Variants in TSHR observed in about 807,000 individuals in gnomAD.
The protein encoded by TSHR is thyroid stimulating hormone receptor, also known as thyrotropin receptor.
A neutral mutation model predicts 64.1 loss-of-function variants in TSHR; 51 were observed. The observed-to-expected ratio is 0.80, with a 90% CI of 0.64 to 1.01. The LOEUF (loss-of-function observed/expected upper bound fraction) is 1.01, where lower values mean the gene tolerates loss of function less well. TSHR is among the 50% of genes least tolerant of loss of function. The pLI is 0.00. For missense variants in TSHR, 877 were observed against 942.8 expected, an observed-to-expected ratio of 0.93 and a Z score of 0.91; for synonymous variants, 361 against 361.9, an observed-to-expected ratio of 1.00 and a Z score of 0.03.
chr14:80,973,381 G>A (rs1379785773), intron 1 of TSHR, among the ~76,000 whole-genome samples: 1 of 93,112 alleles, frequency 1.1e-5, no homozygotes, highest in African/African-American at 3.5e-5. Flanking sequence ...ACTCACGCCC[G>A]GGTGACAGCG....
intron 8 of TSHR, among the ~76,000 whole-genome samples, chr14:81,114,187 G>A (rs12323385): frequency 0.068 from 10,201 of 150,954 alleles, 890 homozygotes; most frequent in East Asian, 0.23. Flanking sequence ...CAAGATGGCC[G>A]AATAGGAACA....
chr14:81,131,217 C>A (rs1337539899), intron 8 of TSHR, among the ~76,000 whole-genome samples: 1 of 152,098 alleles, frequency 6.6e-6, no homozygotes, highest in Non-Finnish European at 1.5e-5. Flanking sequence ...TCTCACATAC[C>A]CCATATCCCA....
At chr14:80,985,267 G>T (rs1263860138) in intron 1 of TSHR, among the ~76,000 whole-genome samples, 1 of 152,100 alleles carries the variant, frequency 6.6e-6, no homozygotes, top group African/African-American at 2.4e-5. Context: ...AAACCAAAAA[G>T]AAAAAGGTAA....
intron 1 of TSHR, among the ~76,000 whole-genome samples, chr14:80,971,855 G>T (rs1309502676): frequency 2.0e-5 from 3 of 151,942 alleles, no homozygotes; most frequent in Admixed American, 2.0e-4. Context: ...ATGATTGGGG[G>T]ACAGTCACCA....
rs560205644 is a variant in TSHR, at chr14:81,141,678, G to A, written c.882-1262G>A. Among the ~76,000 whole-genome samples, 6 of 152,302 alleles carry A rather than the reference G, an allele frequency of 3.9e-5. No individual in the cohort carries two copies. The South Asian group carries it at 1.2e-3, about 32-fold the overall frequency. On this transcript the variant is annotated intron_variant, in intron 9 of 9. Transcript: ENST00000298171. ...AATCCTAGCACTTTGGGAGGCAGAGGTGGGCGGATCACTTGAGGTCAAGAG... is the reference window on the plus strand; with the variant it reads ...AATCCTAGCACTTTGGGAGGCAGAGATGGGCGGATCACTTGAGGTCAAGAG...
chr14:81,001,699 G>T, intron 1 of TSHR: 1 of 482,926 alleles, frequency 2.1e-6, no homozygotes, highest in Non-Finnish European at 4.1e-6. Context: ...TTGTTGGCCT[G>T]GGCAGTTTCA....
intron 1 of TSHR, chr14:81,001,687 C>A (rs1319420821): frequency 2.0e-6 from 1 of 500,738 alleles, no homozygotes; most frequent in East Asian, 5.4e-5. Context: ...ACAGGCACAC[C>A]CTTGTTGGCC....
intron 1 of TSHR, among the ~76,000 whole-genome samples, chr14:80,965,512 A>G (rs1439493374): frequency 6.6e-6 from 1 of 152,142 alleles, no homozygotes; most frequent in Non-Finnish European, 1.5e-5. Flanking sequence ...TAGTTGACAG[A>G]TTTTTTCAAG....
Position 81,054,246 on chromosome 14 carries a change from T to C in TSHR, c.171-7902T>C, listed in dbSNP as rs552698957. The stretch of plus-strand genomic sequence containing the variant: ...TTTGCCTGCTGCCATCCATGTAAGA[T>C]GTGACTTGCTCCTCCTTGCCTTCCG... On this transcript the variant is annotated intron_variant, in intron 1 of 9. Coordinates refer to ENST00000298171, the MANE Select transcript of TSHR (RefSeq NM_000369.5). Among the ~76,000 whole-genome samples the C allele has an allele frequency of 1.6e-4, 24 of 152,328 alleles. No homozygotes were observed. The Middle Eastern group carries it at 0.01, about 65-fold the overall frequency.
intron 1 of TSHR, among the ~76,000 whole-genome samples, chr14:81,008,327 C>T (rs920402147): frequency 5.3e-5 from 8 of 152,176 alleles, no homozygotes; most frequent in South Asian, 4.2e-4. Flanking sequence ...CGCCCCCCAC[C>T]ACGCCCGGCT....
rs191425844 is a variant in TSHR at position 81,140,349 on chromosome 14, C to A, written c.881+482C>A. On this transcript the variant is annotated intron_variant, in intron 9 of 9. Coordinates refer to ENST00000298171, the MANE Select transcript of TSHR (RefSeq NM_000369.5). ...GGCTTTGGAGTCAGCTGGGTTTATACCGCAGCTCTGCCATTTTTCAAGCTG... is the reference window on the plus strand; with the variant it reads ...GGCTTTGGAGTCAGCTGGGTTTATAACGCAGCTCTGCCATTTTTCAAGCTG... 3.6e-3 allele frequency among the ~76,000 whole-genome samples: 551 copies of A among 152,286 alleles called. 11 individuals carry two copies. Among genetic ancestry groups the A allele is most frequent in the Middle Eastern group, 0.031 (9 of 292 alleles).
chr14:81,130,209 A>G (rs11848926), intron 8 of TSHR, among the ~76,000 whole-genome samples: 15,247 of 152,162 alleles, frequency 0.1, 1,030 homozygotes, highest in African/African-American at 0.19. Context: ...CTTCAAATCT[A>G]CTTCCACCTA....
intron 8 of TSHR, chr14:81,108,847 C>A: frequency 6.8e-7 from 1 of 1,480,760 alleles, no homozygotes. Flanking sequence ...ATGCCTGGCA[C>A]AAAGAAGGAA....
At chr14:80,989,472 G>A (rs190106332) in intron 1 of TSHR, among the ~76,000 whole-genome samples, 5 of 151,946 alleles carry the variant, frequency 3.3e-5, no homozygotes, top group East Asian at 1.9e-4. Flanking sequence ...CTTAATTTAC[G>A]CCTTGCCACA....
intron 1 of TSHR, among the ~76,000 whole-genome samples, chr14:81,035,646 C>T (rs912923084): frequency 2.0e-5 from 3 of 152,156 alleles, no homozygotes; most frequent in Non-Finnish European, 2.9e-5. Flanking sequence ...ATTGTTTATT[C>T]CCTACCACAT....
intron 9 of TSHR, 128 bp downstream of exon 9, chr14:81,139,995 A>G: frequency 7.8e-7 from 1 of 1,285,854 alleles, no homozygotes; most frequent in African/African-American, 1.5e-5. Flanking sequence ...CATCCATATG[A>G]AACAGGAAAT....
rs374530434 is a variant in TSHR at position 81,143,106 on chromosome 14, G to A, written c.1048G>A (p.Ala350Thr). ...CAAGTTCCAGGATACTCATAACAAC[G>A]CTCATTATTACGTCTTCTTTGAAGA... ...KSKFQDTHNN[A>T]HYYVFFEEQE... Residue 350 changes from alanine (A) to threonine (T), a missense_variant, in exon 10 of 10, where the codon GCT becomes ACT. Ala to Thr is a moderately conservative substitution (Grantham distance 58). Coordinates refer to ENST00000298171, the MANE Select transcript of TSHR (RefSeq NM_000369.5). The A allele has an allele frequency of 3.0e-5, 49 of 1,614,018 alleles. No homozygotes were observed. The highest frequency in any genetic ancestry group is 1.6e-4 in the Middle Eastern group (1 of 6,084).
rs560927699 is a variant in TSHR, at chr14:81,051,537, T to C, written c.171-10611T>C. On this transcript the variant is annotated intron_variant, in intron 1 of 9. Transcript: ENST00000298171. ...GTGGAGTGCAGACGTTTCTTCAGCT[T>C]ACTGATTTTTATTCCTTTGGGTGGC... 4 of 152,302 alleles carry C rather than the reference T, an allele frequency of 2.6e-5. No homozygotes were observed. The South Asian group carries it at 8.3e-4, about 32-fold the overall frequency. 9.4% of individuals were successfully genotyped at this position (152,302 alleles called of 1,614,324 possible). A position where few individuals can be genotyped will look rare whatever the true frequency, so the allele number is the denominator to read the frequency against.
At chr14:80,982,044 A>C in intron 1 of TSHR, 1 of 461,276 alleles carries the variant, frequency 2.2e-6, no homozygotes. Context: ...AGAGTCTGCT[A>C]TACAAGCTAA....
Sources: allele counts gnomAD v4.1 joint callset (sites outside exome capture counted in the v4.1 genomes callset), GRCh38; gene constraint gnomAD v4.1.1; transcripts MANE v1.5; gene names NCBI Gene and HGNC (gene_info 2026-07-23, HGNC 2026-07-21).